Variants in SRFBP1 observed in about 807,000 individuals in gnomAD.
The protein encoded by SRFBP1 is serum response factor-binding protein 1.
SRFBP1 carries 47 observed loss-of-function variants against 45.5 expected under a neutral mutation model. That is an observed-to-expected ratio of 1.03 (90% confidence interval 0.82 to 1.32). The LOEUF (loss-of-function observed/expected upper bound fraction) is 1.32. Among genes scored for constraint, SRFBP1 ranks in the 40% most tolerant of loss-of-function variants. The probability of loss-of-function intolerance (pLI) is 0.00; values close to 1 mark genes in which losing one functional copy is unlikely to be tolerated. For synonymous variants in SRFBP1, 203 were observed against 166.3 expected, an observed-to-expected ratio of 1.22 and a Z score of -1.70; for missense variants, 621 against 484.6, an observed-to-expected ratio of 1.28 and a Z score of -2.64.
chr5:121,975,373 A>G lies in SRFBP1; in HGVS notation c.184A>G (p.Ile62Val). Residue 62 changes from isoleucine to valine, a missense_variant, in exon 3 of 8, where the codon ATC becomes GTC. Coordinates refer to ENST00000339397, the MANE Select transcript of SRFBP1 (RefSeq NM_152546.3). ...QRRAQRLLEE[I>V]HAMKELKPDI... ...ACGGGCGCAAAGATTGCTTGAAGAA[A>G]TCCATGCCATGAAGGTAAGGACTTG... 6.2e-7 allele frequency: 1 copy of G among 1,613,308 alleles called. No individual in the cohort carries two copies. The highest frequency in any genetic ancestry group is 8.5e-7 in the Non-Finnish European group (1 of 1,179,398).
At chr5:121,999,814 C>A (rs867262182) in intron 4 of SRFBP1, among the ~76,000 whole-genome samples, 1 of 151,986 alleles carries the variant, frequency 6.6e-6, no homozygotes, top group Non-Finnish European at 1.5e-5. Flanking sequence ...TTACTTTTAA[C>A]CTCCATATGT....
chr5:122,022,295 A>G, intron 6 of SRFBP1, 75 bp from the exon 7 acceptor site: 2 of 1,294,312 alleles, frequency 1.5e-6, no homozygotes, highest in Non-Finnish European at 2.2e-6. Flanking sequence ...TTTTATCATC[A>G]ATTTTGTTAT....
chr5:121,995,062 A>G (rs1347364143), intron 4 of SRFBP1, among the ~76,000 whole-genome samples: 1 of 151,496 alleles, frequency 6.6e-6, no homozygotes, highest in Non-Finnish European at 1.5e-5. Context: ...TACAATAATA[A>G]TGGGAGACTT....
downstream of SRFBP1, chr5:122,077,930 A>G (rs1424573441): frequency 6.6e-7 from 1 of 1,505,872 alleles, no homozygotes; most frequent in South Asian, 1.4e-5. The surrounding 1 kb of genome is among the most constrained non-coding windows in gnomAD (Gnocchi z 4.9). Context: ...GGCGCAGTGC[A>G]CTAGCGCGCA....
At chr5:121,993,760 T>G (rs1420151910) in intron 3 of SRFBP1, among the ~76,000 whole-genome samples, 1 of 152,158 alleles carries the variant, frequency 6.6e-6, no homozygotes, top group Non-Finnish European at 1.5e-5. Context: ...CATTTTCTTA[T>G]TGTTAGACTG....
At chr5:122,077,678 C>G (rs200513395), downstream of SRFBP1, 271 of 1,601,604 alleles carry the variant, frequency 1.7e-4, no homozygotes, top group East Asian at 5.7e-3. The surrounding 1 kb of genome is among the most constrained non-coding windows in gnomAD (Gnocchi z 4.9). Flanking sequence ...CGTCCGCGTT[C>G]GCGCCGCGGC....
At chr5:122,044,502 G>A (rs1442806855) in intron 2 of SRFBP1, among the ~76,000 whole-genome samples, 1 of 151,642 alleles carries the variant, frequency 6.6e-6, no homozygotes, top group Admixed American at 6.6e-5. Flanking sequence ...CCACAACCTT[G>A]CCAGCATCTA....
chr5:121,975,426 G>C, intron 3 of SRFBP1, 39 bp downstream of exon 3: 1 of 1,606,678 alleles, frequency 6.2e-7, no homozygotes, highest in Non-Finnish European at 8.5e-7. Flanking sequence ...GTATGTTTCT[G>C]AGTATCCTGT....
intron 4 of SRFBP1, among the ~76,000 whole-genome samples, chr5:122,009,584 G>A (rs923414655): frequency 1.3e-5 from 2 of 152,176 alleles, no homozygotes; most frequent in African/African-American, 4.8e-5. Context: ...ATGAGTAGAA[G>A]GATAGATTCA....
downstream of SRFBP1, chr5:122,077,113 G>A: frequency 8.7e-6 from 13 of 1,500,978 alleles, no homozygotes; most frequent in East Asian, 2.4e-5. The surrounding 1 kb of genome is among the most constrained non-coding windows in gnomAD (Gnocchi z 4.9). Flanking sequence ...CGGGACTGCA[G>A]AGTGGAGCGG....
At chr5:121,967,090 G>T (rs1270062801) in intron 1 of SRFBP1, among the ~76,000 whole-genome samples, 4 of 151,908 alleles carry the variant, frequency 2.6e-5, no homozygotes. Context: ...ACCACGCCTG[G>T]CCTATTTTAT....
intron 2 of SRFBP1, chr5:122,074,248 T>C: frequency 8.1e-7 from 1 of 1,232,210 alleles, no homozygotes; most frequent in South Asian, 1.5e-5. Context: ...ACTTCCCCCA[T>C]GGCTTCACAA....
chr5:122,073,445 G>T (rs1389596341), intron 2 of SRFBP1, among the ~76,000 whole-genome samples: 1 of 152,168 alleles, frequency 6.6e-6, no homozygotes, highest in African/African-American at 2.4e-5. Context: ...ACTTTTTAAA[G>T]TGCTTTTAAA....
intron 2 of SRFBP1, among the ~76,000 whole-genome samples, chr5:122,053,198 G>A (rs941995139): frequency 2.0e-5 from 3 of 152,152 alleles, no homozygotes; most frequent in Non-Finnish European, 2.9e-5. Context: ...GAGTTCAGGT[G>A]GAAGCAGGAC....
intron 2 of SRFBP1, among the ~76,000 whole-genome samples, chr5:122,034,079 C>G (rs1345788801): frequency 6.6e-6 from 1 of 152,222 alleles, no homozygotes; most frequent in Non-Finnish European, 1.5e-5. Context: ...CCGCCTCAGC[C>G]TCCCATGGTG....
At chr5:122,018,759 C>G (rs1753236571) in intron 4 of SRFBP1, among the ~76,000 whole-genome samples, 2 of 151,960 alleles carry the variant, frequency 1.3e-5, no homozygotes, top group African/African-American at 4.8e-5. Flanking sequence ...CAGTCTAGGC[C>G]CTGAGAACGT....
At chr5:121,992,957 C>T (rs1236881173) in intron 3 of SRFBP1, among the ~76,000 whole-genome samples, 4 of 152,056 alleles carry the variant, frequency 2.6e-5, no homozygotes, top group Non-Finnish European at 5.9e-5. Context: ...TGCCCCTTGT[C>T]TCCGACCCAG....
At chr5:121,983,305 G>A (rs547520998) in intron 3 of SRFBP1, among the ~76,000 whole-genome samples, 451 of 151,832 alleles carry the variant, frequency 3.0e-3, no homozygotes, top group Non-Finnish European at 4.7e-3. Context: ...TTAGAATACA[G>A]AAGTGTTCTA....
chr5:122,020,907 C>T (rs1408785092), intron 6 of SRFBP1, 105 bp downstream of exon 6: 2 of 1,097,746 alleles, frequency 1.8e-6, no homozygotes, highest in African/African-American at 1.6e-5. Flanking sequence ...GTTTGTACAA[C>T]CCATCCTGTT....
Sources: allele counts gnomAD v4.1 joint callset (sites outside exome capture counted in the v4.1 genomes callset), GRCh38; gene constraint gnomAD v4.1.1; non-coding constraint Gnocchi (gnomAD v3.1); transcripts MANE v1.5; gene names NCBI Gene and HGNC (gene_info 2026-07-23, HGNC 2026-07-21).